Variants in RNF213 observed in about 807,000 individuals in gnomAD.
The protein encoded by RNF213 is E3 ubiquitin-protein ligase RNF213.
A neutral mutation model predicts 514.4 loss-of-function variants in RNF213; 341 were observed. The ratio of observed to expected loss-of-function variants is 0.66; its 90% CI spans 0.61 to 0.73. The LOEUF (loss-of-function observed/expected upper bound fraction) is 0.73, where lower values mean the gene tolerates loss of function less well. RNF213 is among the 30% of genes least tolerant of loss of function. RNF213 has a pLI of 0.00. For missense variants in RNF213, 5,767 were observed against 6,615.6 expected (o/e 0.87, Z 4.45); for synonymous variants, 2,655 against 2,658.2 (o/e 1.00, Z 0.04).
At chr17:80,293,825 TAAA>T (rs1190478419) in intron 8 of RNF213, among the ~76,000 whole-genome samples, 1 of 142,638 alleles carries the variant, frequency 7.0e-6, no homozygotes, top group Non-Finnish European at 1.5e-5. Flanking sequence ...AGACTCAGTC[TAAA>T]AAAAAAAAAA....
Position 80,381,740 on chromosome 17 carries a change from G to A in RNF213, c.13978+13G>A, listed in dbSNP as rs564792915. The A allele has an allele frequency of 1.2e-6, 2 of 1,610,478 alleles. No homozygotes were observed. The highest frequency in any genetic ancestry group is 1.3e-5 in the African/African-American group (1 of 75,038). On this transcript the variant is annotated intron_variant, in intron 57 of 67. Coordinates refer to ENST00000582970, the MANE Select transcript of RNF213 (RefSeq NM_001256071.3). ...CTCTCTAGCAGAAGTGAGGAAAGGGGCAAGGGCTGGGCGGGGATCACACAG... is the reference window on the plus strand; with the variant it reads ...CTCTCTAGCAGAAGTGAGGAAAGGGACAAGGGCTGGGCGGGGATCACACAG...
chr17:80,382,739 A>G, intron 57 of RNF213: 1 of 414,986 alleles, frequency 2.4e-6, no homozygotes, highest in Non-Finnish European at 4.5e-6. Context: ...TTTTTTCAAA[A>G]TGGGTCTAAG....
chr17:80,293,927 G>A (rs1199392883), intron 8 of RNF213, among the ~76,000 whole-genome samples: 2 of 152,134 alleles, frequency 1.3e-5, no homozygotes, highest in Admixed American at 6.5e-5. Context: ...TGCAGGCCCT[G>A]CTGGGCCCAG....
At chr17:80,360,585 T>C (rs967833354) in intron 38 of RNF213, among the ~76,000 whole-genome samples, 1 of 152,090 alleles carries the variant, frequency 6.6e-6, no homozygotes, top group African/African-American at 2.4e-5. Flanking sequence ...ACTCGGAAGA[T>C]GCCCCCAGGA....
At chr17:80,364,775 T>C (rs2079195222) in intron 42 of RNF213, 1 of 547,744 alleles carries the variant, frequency 1.8e-6, no homozygotes, top group Non-Finnish European at 3.3e-6. Context: ...GCATATCATT[T>C]AGAAGTGATT....
rs758349838 is a variant in RNF213 at position 80,313,013 on chromosome 17, A to T, written c.2657A>T (p.Asp886Val). 1.2e-6 allele frequency: 2 copies of T among 1,613,872 alleles called. No individual in the cohort carries two copies. The highest frequency in any genetic ancestry group is 3.3e-5 in the Admixed American group (2 of 60,020). ...ACCCTCCCTCTTGTGTGACAACAGG[A>T]TTCTGCAGGACAGAGAGATGAAACT... ...CRMIRLLSLV[D>V]SAGQRDETGN... Residue 886 changes from aspartate to valine, a missense_variant and splice_region_variant, in exon 15 of 68, where the codon GAT (aspartate) becomes GTT (valine). Physicochemically the swap from Asp to Val is radical, Grantham distance 152. Around this residue, in one of 13 missense-constraint regions of RNF213, gnomAD observed 592 missense variants for 673.9 expected, o/e 0.88. Coordinates refer to ENST00000582970, the MANE Select transcript of RNF213 (RefSeq NM_001256071.3).
chr17:80,368,696 G>A (rs2144471922), intron 44 of RNF213, among the ~76,000 whole-genome samples: 1 of 152,340 alleles, frequency 6.6e-6, no homozygotes, highest in Non-Finnish European at 1.5e-5. Flanking sequence ...GCCTCCCAAA[G>A]TGCAGGGATT....
At chr17:80,363,529 C>T (rs546228274) in intron 40 of RNF213, 80 bp from the exon 41 acceptor site, 32 of 1,495,110 alleles carry the variant, frequency 2.1e-5, no homozygotes, top group Non-Finnish European at 2.5e-5. Context: ...CACAAGTATA[C>T]ATGCAGCTAA....
chr17:80,345,539 A>C lies in RNF213; in HGVS notation c.7204A>C (p.Lys2402Gln). 6.2e-7 allele frequency: 1 copy of C among 1,613,436 alleles called. No homozygotes were observed. The highest frequency in any genetic ancestry group is 1.1e-5 in the South Asian group (1 of 91,080). ...TGAGCTCACAACCGACAATATGCTT[A>C]AAATCCTTGCCATCGAGATGCGGTT... The part of the protein sequence containing the change: ...TYELTTDNML[K>Q]ILAIEMRFRC... The change falls in exon 29 of 68, where the codon AAA becomes CAA. Residue 2402 changes from lysine (K) to glutamine (Q), a missense_variant. By Grantham distance (53) the Lys-to-Gln change is moderately conservative (BLOSUM62 1). This residue lies in a region of RNF213 where 1,377 missense variants were observed against 1,635.2 expected (regional missense o/e 0.84). Transcript: ENST00000582970. This position sits in a 1 kb window ranked among gnomAD's most constrained non-coding sequence, Gnocchi z 6.0.
chr17:80,392,482 C>A (rs896820650), intron 67 of RNF213, among the ~76,000 whole-genome samples: 8 of 152,200 alleles, frequency 5.3e-5, no homozygotes, highest in Non-Finnish European at 4.4e-5. Context: ...CCGTGGGCTT[C>A]TGTCGTGTTT....
At chr17:80,319,051 CG>C (rs2046047456) in intron 16 of RNF213, 138 bp from the exon 17 acceptor site, 3 of 1,578,978 alleles carry the variant, frequency 1.9e-6, no homozygotes, top group Admixed American at 3.4e-5. Flanking sequence ...ACATGCTTTG[CG>C]TGGGCCAGGA....
At chr17:80,320,436 G>A (rs6565668) in intron 17 of RNF213, 98,041 of 151,818 alleles carry the variant, frequency 0.65, 32,512 homozygotes, top group African/African-American at 0.7. Context: ...CACCGCAACC[G>A]CTGCCTCCCG....
At position 80,397,656 on chromosome 17, in the gene RNF213, G is replaced by C. The variant is rs1421939615; in HGVS notation, c.*4158G>C. The C allele has an allele frequency of 2.6e-5, 4 of 151,990 alleles. No homozygotes were observed. Among genetic ancestry groups the C allele is most frequent in the Middle Eastern group, 3.4e-3 (1 of 296 alleles). 9.4% of individuals were successfully genotyped at this position (151,990 alleles called of 1,614,324 possible). A position where few individuals can be genotyped will look rare whatever the true frequency, so the allele number is the denominator to read the frequency against. On this transcript the variant is annotated 3_prime_UTR_variant, in exon 68 of 68. Coordinates refer to ENST00000582970, the MANE Select transcript of RNF213 (RefSeq NM_001256071.3). Reference sequence around the variant, plus strand: ...CTTAAGAGTTGTGAGCCCTTAAAAGGGACAGGAATTGCTCACTCGGGGAGC... The same window carrying C: ...CTTAAGAGTTGTGAGCCCTTAAAAGCGACAGGAATTGCTCACTCGGGGAGC...
At chr17:80,385,464 C>G (rs1446150246) in intron 60 of RNF213, 74 bp from the exon 61 acceptor site, 2 of 1,280,064 alleles carry the variant, frequency 1.6e-6, no homozygotes, top group Admixed American at 1.7e-5. Flanking sequence ...CTCGGCAGAG[C>G]ATGTAACTAG....
intron 2 of RNF213, among the ~76,000 whole-genome samples, chr17:80,266,415 GAAGAA>G (rs1567987508): frequency 6.7e-6 from 1 of 148,380 alleles, no homozygotes; most frequent in Non-Finnish European, 1.5e-5. Context: ...CCCTGTCTTA[GAAGAA>G]AAGAAAAGGA....
In RNF213 at chr17:80,264,865, T is replaced by C. The variant is rs1317114378; in HGVS notation, c.97+1087T>C. 2.0e-4 allele frequency among the ~76,000 whole-genome samples: 31 copies of C among 151,950 alleles called. No individual in the cohort carries two copies. Among genetic ancestry groups the C allele is most frequent in the Non-Finnish European group, 4.1e-4 (28 of 67,984 alleles). On this transcript the variant is annotated intron_variant, in intron 2 of 67. Transcript: ENST00000582970. This position sits in a 1 kb window ranked among gnomAD's most constrained non-coding sequence, Gnocchi z 5.0. ...CTCCTGTCCCCAGAGCCCACCACCT[T>C]CTGGCCCTTCCTGGATACACCAGGT...
chr17:80,294,979 C>T lies in RNF213; in HGVS notation c.1731C>T (p.Thr577=), dbSNP rs1280829266. Residue 577 remains threonine (T), a synonymous_variant, in exon 9 of 68, where the codon ACC becomes ACT. Transcript: ENST00000582970. ...ATGAAGGACAGGCACAGCTGTGGACCGATTTGCAGTACAGGGAGAAAGAGG... is the reference window on the plus strand; with the variant it reads ...ATGAAGGACAGGCACAGCTGTGGACTGATTTGCAGTACAGGGAGAAAGAGG... ...MIYEGQAQLW[T]DLQYREKEVK... 8 of 1,614,042 alleles carry T rather than the reference C, an allele frequency of 5.0e-6. No homozygotes were observed. Among genetic ancestry groups the T allele is most frequent in the East Asian group, 2.2e-5 (1 of 44,900 alleles).
intron 11 of RNF213, among the ~76,000 whole-genome samples, chr17:80,303,649 C>T (rs549354812): frequency 7.3e-5 from 11 of 150,318 alleles, no homozygotes; most frequent in Admixed American, 2.7e-4. Context: ...CTGCAACCTT[C>T]GCCTCCCAGG....
At chr17:80,384,037 A>G in intron 59 of RNF213, 109 bp downstream of exon 59, 1 of 1,385,404 alleles carries the variant, frequency 7.2e-7, no homozygotes, top group Non-Finnish European at 1.0e-6. Flanking sequence ...AGACTATTCC[A>G]GTGCTTTGGT....
Sources: gnomAD v4.1 joint callset for allele counts (sites outside exome capture counted in the v4.1 genomes callset) on GRCh38, gnomAD v4.1.1 for gene constraint, gnomAD v4.1.1 regional missense constraint, Gnocchi (gnomAD v3.1) non-coding constraint, MANE v1.5 for transcripts, NCBI Gene and HGNC (gene_info 2026-07-23, HGNC 2026-07-21) for gene names.